PCDHGB4: variants seen among roughly 807,000 people sequenced by gnomAD.
PCDHGB4 encodes protocadherin gamma-B4.
PCDHGB4 carries 38 observed loss-of-function variants against 60.5 expected under a neutral mutation model. The ratio of observed to expected loss-of-function variants is 0.63; its 90% CI spans 0.48 to 0.82. The LOEUF is 0.82. Ranked by LOEUF, PCDHGB4 falls within the 40% of genes least tolerant of loss-of-function variation. The probability of loss-of-function intolerance (pLI) is 0.00; values close to 1 mark genes in which losing one functional copy is unlikely to be tolerated. For synonymous variants in PCDHGB4, 456 were observed against 509.7 expected (o/e 0.89, Z 1.42); for missense variants, 1,109 against 1,209.6 (o/e 0.92, Z 1.23).
intron 1 of PCDHGB4, among the ~76,000 whole-genome samples, chr5:141,424,923 T>C (rs1428936860): frequency 6.6e-6 from 1 of 152,186 alleles, no homozygotes; most frequent in African/African-American, 2.4e-5. Flanking sequence ...CCATAATCAA[T>C]TCAGTCAACA....
Position 141,491,670 on chromosome 5 carries a change from C to T in PCDHGB4, c.2398-3137C>T. The T allele has an allele frequency of 2.5e-6, 4 of 1,613,768 alleles. No individual in the cohort carries two copies. Among genetic ancestry groups the T allele is most frequent in the South Asian group, 1.1e-5 (1 of 91,082 alleles). On this transcript the variant is annotated intron_variant, in intron 1 of 3. Coordinates refer to ENST00000519479, the MANE Select transcript of PCDHGB4 (RefSeq NM_003736.4). The surrounding 1 kb of genome is among the most constrained non-coding windows in gnomAD (Gnocchi z 6.9). ...CGCTGGAGCCTGACGCCATCCGGTC[C>T]CGCTCTAATACGCTGCGGGAGCGGA...
chr5:141,424,023 A>G (rs1391381195), intron 1 of PCDHGB4: 1 of 1,047,166 alleles, frequency 9.5e-7, no homozygotes, highest in Non-Finnish European at 1.2e-6. Context: ...TGATTCACAA[A>G]CACTTTTTAT....
chr5:141,430,151 A>T (rs774490087), intron 1 of PCDHGB4, among the ~76,000 whole-genome samples: 8 of 152,166 alleles, frequency 5.3e-5, no homozygotes, highest in Non-Finnish European at 8.8e-5. Flanking sequence ...GGATCATTCA[A>T]GGAATCTATT....
intron 1 of PCDHGB4, among the ~76,000 whole-genome samples, chr5:141,436,199 A>G (rs576607542): frequency 7.2e-5 from 11 of 152,282 alleles, no homozygotes; most frequent in East Asian, 5.8e-4. Context: ...AAAGAAAGAC[A>G]TAATAGGAAA....
intron 1 of PCDHGB4, among the ~76,000 whole-genome samples, chr5:141,470,600 G>A (rs890975756): frequency 4.6e-5 from 7 of 152,142 alleles, no homozygotes; most frequent in South Asian, 2.1e-4. Context: ...CGACCTGTGC[G>A]GGGACACAGG....
chr5:141,457,798 C>T (rs1233396158), intron 1 of PCDHGB4, among the ~76,000 whole-genome samples: 5 of 152,194 alleles, frequency 3.3e-5, no homozygotes, highest in African/African-American at 9.6e-5. Context: ...GTTATCCTCT[C>T]CTCTTGAGGT....
At position 141,485,729 on chromosome 5, in the gene PCDHGB4, A is replaced by G. The variant is rs2099618322; in HGVS notation, c.2398-9078A>G. 6.2e-7 allele frequency: 1 copy of G among 1,614,092 alleles called. No individual in the cohort carries two copies. The highest frequency in any genetic ancestry group is 1.1e-5 in the South Asian group (1 of 91,094). ...CTTTGCACTGGATGTGAAGAAGCGCAGCGACGGCAGCCTGGTCCCAGAGCT... is the reference window on the plus strand; with the variant it reads ...CTTTGCACTGGATGTGAAGAAGCGCGGCGACGGCAGCCTGGTCCCAGAGCT... On this transcript the variant is annotated intron_variant, in intron 1 of 3. Coordinates refer to ENST00000519479, the MANE Select transcript of PCDHGB4 (RefSeq NM_003736.4). This position sits in a 1 kb window ranked among gnomAD's most constrained non-coding sequence, Gnocchi z 5.7.
intron 1 of PCDHGB4, chr5:141,395,139 G>C: frequency 6.2e-7 from 1 of 1,614,144 alleles, no homozygotes. Flanking sequence ...GCCCAACTAC[G>C]CAGACATGCT....
Position 141,411,472 on chromosome 5 carries a change from T to G in PCDHGB4, c.2397+21191T>G, listed in dbSNP as rs546914871. ...GGTAGCATTCCCCTGTGGTCCCAGC[T>G]ACTTGGGAGGCTGAGCTGGGTGGAT... On this transcript the variant is annotated intron_variant, in intron 1 of 3. Coordinates refer to ENST00000519479, the MANE Select transcript of PCDHGB4 (RefSeq NM_003736.4). 2.6e-5 allele frequency: 4 copies of G among 151,948 alleles called. 1 individual carries two copies. The South Asian group carries it at 8.3e-4, about 32-fold the overall frequency. The allele number at this position is 151,948 out of a possible 1,614,324, so 9.4% of individuals were successfully genotyped here.
chr5:141,491,662 A>C lies in PCDHGB4; in HGVS notation c.2398-3145A>C. 2 of 1,613,770 alleles carry C rather than the reference A, an allele frequency of 1.2e-6. No homozygotes were observed. The highest frequency in any genetic ancestry group is 1.7e-6 in the Non-Finnish European group (2 of 1,180,018). ...AGCTCTGGCGCTGGAGCCTGACGCC[A>C]TCCGGTCCCGCTCTAATACGCTGCG... On this transcript the variant is annotated intron_variant, in intron 1 of 3. Coordinates refer to ENST00000519479, the MANE Select transcript of PCDHGB4 (RefSeq NM_003736.4). This position sits in a 1 kb window ranked among gnomAD's most constrained non-coding sequence, Gnocchi z 6.9.
intron 1 of PCDHGB4, chr5:141,423,914 A>G (rs2096790099): frequency 3.0e-5 from 38 of 1,268,116 alleles, no homozygotes; most frequent in Non-Finnish European, 3.0e-6. Flanking sequence ...GGGGCCATTC[A>G]ACTATGCTGG....
intron 1 of PCDHGB4, chr5:141,428,232 G>C (rs546567556): frequency 9.3e-7 from 1 of 1,071,494 alleles, no homozygotes; most frequent in African/African-American, 1.5e-5. Context: ...CAGACAGCCT[G>C]CAGGAGGCAC....
rs770093591 is a variant in PCDHGB4 at position 141,486,147 on chromosome 5, G to T, written c.2398-8660G>T. ...GAATTTGATGTGCGGGCTCGCGATG[G>T]GGGTTCTCCAGCCATGGAGCAACAT... On this transcript the variant is annotated intron_variant, in intron 1 of 3. Transcript: ENST00000519479. This position sits in a 1 kb window ranked among gnomAD's most constrained non-coding sequence, Gnocchi z 5.0. The T allele has an allele frequency of 6.2e-7, 1 of 1,614,168 alleles. No individual in the cohort carries two copies. The highest frequency in any genetic ancestry group is 1.7e-5 in the Admixed American group (1 of 60,028).
At chr5:141,492,008 G>A (rs1201433644) in intron 1 of PCDHGB4, 21 of 616,588 alleles carry the variant, frequency 3.4e-5, no homozygotes, top group Admixed American at 2.9e-4. Flanking sequence ...CGATTTCCGC[G>A]GGTGTCGGGG....
Position 141,389,600 on chromosome 5 carries a change from C to T in PCDHGB4, c.1716C>T (p.Leu572=), listed in dbSNP as rs748837518. 28 of 1,613,080 alleles carry T rather than the reference C, an allele frequency of 1.7e-5. No individual in the cohort carries two copies. The highest frequency in any genetic ancestry group is 2.3e-5 in the Non-Finnish European group (27 of 1,179,808). The part of the protein sequence containing the change: ...YPALGPDGSA[L]FDMVPHAAEP... ...CGCTGGGTCCCGACGGCTCTGCGCT[C>T]TTCGATATGGTGCCGCACGCTGCAG... Residue 572 remains leucine, a synonymous_variant, in exon 1 of 4, where the codon CTC becomes CTT. Coordinates refer to ENST00000519479, the MANE Select transcript of PCDHGB4 (RefSeq NM_003736.4).
At chr5:141,400,303 G>T (rs2094000375) in intron 1 of PCDHGB4, 1 of 1,613,908 alleles carries the variant, frequency 6.2e-7, no homozygotes, top group Non-Finnish European at 8.5e-7. Context: ...CTTCCAACCT[G>T]GTCTCTGTGT....
rs112808093 is a variant in PCDHGB4, at chr5:141,489,579, C to T, written c.2398-5228C>T. On this transcript the variant is annotated intron_variant, in intron 1 of 3. Transcript: ENST00000519479. The surrounding 1 kb of genome is among the most constrained non-coding windows in gnomAD (Gnocchi z 4.5). ...CAGTGCAGGTGGTGACTGAACACCC[C>T]CTGGAGCTAATCCGTGTAGAGGTAG... is the stretch of plus-strand genomic sequence containing the variant. 211 of 1,614,038 alleles carry T rather than the reference C, an allele frequency of 1.3e-4. 1 individual carries two copies. In the African/African-American group the frequency reaches 1.7e-3, roughly 13 times the overall value.
chr5:141,395,437 G>A lies in PCDHGB4; in HGVS notation c.2397+5156G>A, dbSNP rs973609255. On this transcript the variant is annotated intron_variant, in intron 1 of 3. Coordinates refer to ENST00000519479, the MANE Select transcript of PCDHGB4 (RefSeq NM_003736.4). ...TGTTTCATTTGCTTTTAAACGACTT[G>A]GAAAAGATTGTTCAACCATTTTAAG... 5.2e-5 allele frequency: 35 copies of A among 668,254 alleles called. No homozygotes were observed. The African/African-American group carries it at 6.1e-4, about 12-fold the overall frequency. 41.4% of individuals were successfully genotyped at this position (668,254 alleles called of 1,614,324 possible).
chr5:141,394,177 C>T (rs2092934633), intron 1 of PCDHGB4: 1 of 1,613,912 alleles, frequency 6.2e-7, no homozygotes, highest in East Asian at 2.2e-5. Context: ...TTCCCTCATG[C>T]CTCCTACTCA....
Sources: gnomAD v4.1 joint callset for allele counts (sites outside exome capture counted in the v4.1 genomes callset) on GRCh38, gnomAD v4.1.1 for gene constraint, Gnocchi (gnomAD v3.1) non-coding constraint, MANE v1.5 for transcripts, NCBI Gene and HGNC (gene_info 2026-07-23, HGNC 2026-07-21) for gene names.